The following SREBF1 variants were observed in gnomAD, a reference collection of about 807,000 sequenced individuals.
SREBF1 encodes the protein sterol regulatory element-binding protein 1.
Under a neutral mutation model 100.1 loss-of-function variants are expected in SREBF1, and 45 were observed. The ratio of observed to expected loss-of-function variants is 0.45; its 90% CI spans 0.35 to 0.58. The LOEUF (loss-of-function observed/expected upper bound fraction) is 0.58. SREBF1 is among the 20% of genes least tolerant of loss of function. The pLI, the probability that SREBF1 is intolerant of heterozygous loss-of-function variation, is 0.00. For synonymous variants in SREBF1, 657 were observed against 681.8 expected, an observed-to-expected ratio of 0.96 and a Z score of 0.57; for missense variants, 1,324 against 1,539.4, an observed-to-expected ratio of 0.86 and a Z score of 2.34.
chr17:17,822,028 A>G (rs73297846), intron 1 of SREBF1, among the ~76,000 whole-genome samples: 9,517 of 152,310 alleles, frequency 0.062, 980 homozygotes, highest in African/African-American at 0.22. Context: ...CAGAGACTCA[A>G]CTGAGTCCAG....
At chr17:17,833,084 A>C (rs2034975267) in intron 1 of SREBF1, among the ~76,000 whole-genome samples, 1 of 152,122 alleles carries the variant, frequency 6.6e-6, no homozygotes. Flanking sequence ...GGAACCAAGC[A>C]GATTCCAATC....
chr17:17,823,591 C>G (rs758406307), intron 1 of SREBF1: 6 of 1,612,728 alleles, frequency 3.7e-6, no homozygotes, highest in Non-Finnish European at 5.1e-6. Context: ...CCCTACCCCT[C>G]CCCGCGCCGA....
chr17:17,812,014 G>C lies in SREBF1; in HGVS notation c.*608C>G, dbSNP rs775061143. ...GAGGGGAAGCCTTTCCCTAGGTGCT[G>C]GGGGAGGGCCCAAGCACTCTCACTA... On this transcript the variant is annotated 3_prime_UTR_variant, in exon 19 of 19. Coordinates refer to ENST00000261646, the MANE Select transcript of SREBF1 (RefSeq NM_004176.5). The C allele has an allele frequency of 2.3e-6, 1 of 439,974 alleles. No individual in the cohort carries two copies. Among genetic ancestry groups the C allele is most frequent in the South Asian group, 1.6e-5 (1 of 61,974 alleles). The allele number at this position is 439,974 out of a possible 1,614,324, so 27.3% of individuals were successfully genotyped here.
chr17:17,820,859 A>C (rs2034046674), intron 1 of SREBF1: 1 of 398,856 alleles, frequency 2.5e-6, no homozygotes. Flanking sequence ...TCAGAGCCTG[A>C]GCTCTTCCCA....
chr17:17,816,490 C>T lies in SREBF1; in HGVS notation c.2014G>A (p.Val672Ile). The T allele has an allele frequency of 6.2e-7, 1 of 1,605,614 alleles. No homozygotes were observed. Among genetic ancestry groups the T allele is most frequent in the Admixed American group, 1.7e-5 (1 of 58,988 alleles). Reference protein sequence around the residue: ...ASASARDAALVYHKLHQLHTM... With the variant: ...ASASARDAALIYHKLHQLHTM... ...TGCAGCTGGTGCAGCTTATGGTAGACCAGGGCTGCGTCTCGGGCGCTGGCG... is the reference window on the plus strand; with the variant it reads ...TGCAGCTGGTGCAGCTTATGGTAGATCAGGGCTGCGTCTCGGGCGCTGGCG... The change falls in exon 10 of 19, where the codon GTC becomes ATC. Residue 672 changes from valine to isoleucine, a missense_variant. Coordinates refer to ENST00000261646, the MANE Select transcript of SREBF1 (RefSeq NM_004176.5).
intron 2 of SREBF1, 78 bp from the exon 3 acceptor site, chr17:17,819,803 C>T (rs2033951415): frequency 2.7e-6 from 4 of 1,485,678 alleles, no homozygotes; most frequent in Admixed American, 4.2e-5. Flanking sequence ...TCTCTATCAC[C>T]GACTGGCCTT....
At position 17,814,858 on chromosome 17, in the gene SREBF1, C is replaced by G. The variant is rs1010401465; in HGVS notation, c.2579G>C (p.Ser860Thr). ...ACCGGTGGTGGTGGCCATGCTGGAACTGATGGAGAAGCTGTAGGCAGGAGC... is the reference window on the plus strand; with the variant it reads ...ACCGGTGGTGGTGGCCATGCTGGAAGTGATGGAGAAGCTGTAGGCAGGAGC... ...AGAPAYSFSISSSMATTTGVD... is the reference protein window; with the variant it reads ...AGAPAYSFSITSSMATTTGVD... Residue 860 changes from serine (S) to threonine (T), a missense_variant, in exon 14 of 19, where the codon AGT (serine) becomes ACT (threonine). Transcript: ENST00000261646. 4 of 1,593,704 alleles carry G rather than the reference C, an allele frequency of 2.5e-6. No individual in the cohort carries two copies. The highest frequency in any genetic ancestry group is 3.4e-6 in the Non-Finnish European group (4 of 1,170,948).
In SREBF1 at chr17:17,819,735, T is replaced by G. The variant is rs2033946679; in HGVS notation, c.524-10A>C. 2 of 1,593,192 alleles carry G rather than the reference T, an allele frequency of 1.3e-6. No homozygotes were observed. Among genetic ancestry groups the G allele is most frequent in the Admixed American group, 1.7e-5 (1 of 58,298 alleles). On this transcript the variant is annotated splice_polypyrimidine_tract_variant and intron_variant, in intron 2 of 18. Transcript: ENST00000261646. Reference sequence around the variant, plus strand: ...TTCCCGGGAGGGCTTCCTGCAGAAATAAAGCATGGGGCTGCAGACACAGAC... The same window carrying G: ...TTCCCGGGAGGGCTTCCTGCAGAAAGAAAGCATGGGGCTGCAGACACAGAC...
chr17:17,825,493 C>T (rs920665580), intron 1 of SREBF1, among the ~76,000 whole-genome samples: 14 of 152,034 alleles, frequency 9.2e-5, no homozygotes, highest in South Asian at 2.1e-4. Flanking sequence ...TAAGATGCCC[C>T]GAGGAAGGGG....
At chr17:17,814,024 C>G in intron 16 of SREBF1, 1 of 653,686 alleles carries the variant, frequency 1.5e-6, no homozygotes, top group Non-Finnish European at 2.6e-6. Context: ...ACACCATCCA[C>G]CCCCCTCCTC....
At position 17,812,440 on chromosome 17, in the gene SREBF1, C is replaced by A; in HGVS notation, c.*182G>T. The stretch of plus-strand genomic sequence containing the variant: ...GGTCAGCACCATCATGGCCGCCGGT[C>A]TTAGGGTCAAGATCGCGCCCCTCGG... On this transcript the variant is annotated 3_prime_UTR_variant, in exon 19 of 19. Coordinates refer to ENST00000261646, the MANE Select transcript of SREBF1 (RefSeq NM_004176.5). 1 of 679,310 alleles carries A rather than the reference C, an allele frequency of 1.5e-6. No homozygotes were observed. The highest frequency in any genetic ancestry group is 2.8e-5 in the East Asian group (1 of 36,138). 42.1% of individuals were successfully genotyped at this position (679,310 alleles called of 1,614,324 possible). A position where few individuals can be genotyped will look rare whatever the true frequency, so the allele number is the denominator to read the frequency against.
At position 17,820,471 on chromosome 17, in the gene SREBF1, C is replaced by G; in HGVS notation, c.142G>C (p.Asp48His). ...GCCCCACTCCCAGCATAGGGTGGGT[C>G]AAATAGGCCAGGGAAGTCACTGTCT... ...NQDSDFPGLF[D>H]PPYAGSGAGG... The change falls in exon 2 of 19, where the codon GAC (aspartate) becomes CAC (histidine). Residue 48 changes from aspartate (D) to histidine (H), a missense_variant. Transcript: ENST00000261646. 1 of 1,614,006 alleles carries G rather than the reference C, an allele frequency of 6.2e-7. No homozygotes were observed. The highest frequency in any genetic ancestry group is 1.3e-5 in the African/African-American group (1 of 74,994).
Position 17,815,449 on chromosome 17 carries a change from C to T in SREBF1, c.2384-120G>A, listed in dbSNP as rs1598114175. 8 of 773,762 alleles carry T rather than the reference C, an allele frequency of 1.0e-5. No homozygotes were observed. In the South Asian group the frequency reaches 1.1e-4, roughly 11 times the overall value. The allele number at this position is 773,762 out of a possible 1,614,324, so 47.9% of individuals were successfully genotyped here. A position where few individuals can be genotyped will look rare whatever the true frequency, so the allele number is the denominator to read the frequency against. On this transcript the variant is annotated intron_variant, in intron 12 of 18. Coordinates refer to ENST00000261646, the MANE Select transcript of SREBF1 (RefSeq NM_004176.5). ...AGGGCCACTGGGAAGTGCCGGCATG[C>T]CCCTGGGTGCAGCCCCTGCCAAGGA...
chr17:17,822,040 C>T (rs2034138309), intron 1 of SREBF1, among the ~76,000 whole-genome samples: 1 of 152,190 alleles, frequency 6.6e-6, no homozygotes, highest in South Asian at 2.1e-4. Context: ...TGAGTCCAGA[C>T]CCTATTTTGA....
At chr17:17,829,381 G>C (rs2034719158) in intron 1 of SREBF1, among the ~76,000 whole-genome samples, 1 of 151,318 alleles carries the variant, frequency 6.6e-6, no homozygotes, top group Non-Finnish European at 1.5e-5. Context: ...GCTCCAGTCT[G>C]GAAAAGATAA....
In SREBF1 at chr17:17,811,751, G is replaced by GAAGT. The variant is rs1225586771; in HGVS notation, c.*867_*870dup. The GAAGT allele has an allele frequency of 4.4e-6, 2 of 455,200 alleles. No individual in the cohort carries two copies. Among genetic ancestry groups the GAAGT allele is most frequent in the Non-Finnish European group, 8.8e-6 (2 of 226,396 alleles). The allele number at this position is 455,200 out of a possible 1,614,324, so 28.2% of individuals were successfully genotyped here. A position where few individuals can be genotyped will look rare whatever the true frequency, so the allele number is the denominator to read the frequency against. Reference sequence around the variant, plus strand: ...AGCTCCTGTCACACAACAGGTCCTGGAAGTCAGTCCATCCTCCCGTGCCAC... The same window carrying GAAGT: ...AGCTCCTGTCACACAACAGGTCCTGGAAGTAAGTCAGTCCATCCTCCCGTGCCAC... On this transcript the variant is annotated 3_prime_UTR_variant, in exon 19 of 19. Coordinates refer to ENST00000261646, the MANE Select transcript of SREBF1 (RefSeq NM_004176.5).
Position 17,819,043 on chromosome 17 carries a change from G to C in SREBF1, c.1038C>G (p.Leu346=), listed in dbSNP as rs780876286. The change falls in exon 5 of 19, where the codon CTC becomes CTG. Residue 346 remains leucine, a synonymous_variant. Coordinates refer to ENST00000261646, the MANE Select transcript of SREBF1 (RefSeq NM_004176.5). Reference sequence around the variant, plus strand: ...CCTCAGTGCCCACCACCAGATCCTTGAGCTCAATGATTTTGTCATTGATGG... The same window carrying C: ...CCTCAGTGCCCACCACCAGATCCTTCAGCTCAATGATTTTGTCATTGATGG... ...RSSINDKIIE[L]KDLVVGTEAK... is the part of the protein sequence containing the mutation. The C allele has an allele frequency of 2.5e-6, 4 of 1,613,774 alleles. No homozygotes were observed. The highest frequency in any genetic ancestry group is 3.4e-6 in the Non-Finnish European group (4 of 1,180,036).
At chr17:17,835,973 G>A (rs1018887934) in intron 1 of SREBF1, among the ~76,000 whole-genome samples, 1 of 152,238 alleles carries the variant, frequency 6.6e-6, no homozygotes, top group African/African-American at 2.4e-5. Context: ...TGCTGGTCCT[G>A]GGGGTGACCC....
At chr17:17,836,585 C>G in intron 1 of SREBF1, 142 bp downstream of exon 1, 1 of 841,246 alleles carries the variant, frequency 1.2e-6, no homozygotes, top group Non-Finnish European at 1.8e-6. Flanking sequence ...CTCGGGACAC[C>G]GAGCTCAGAG....
Sources: allele counts gnomAD v4.1 joint callset (sites outside exome capture counted in the v4.1 genomes callset), GRCh38; gene constraint gnomAD v4.1.1; transcripts MANE v1.5; gene names NCBI Gene and HGNC (gene_info 2026-07-23, HGNC 2026-07-21).